ADCY8: variants seen among roughly 807,000 people sequenced by gnomAD.
The protein encoded by ADCY8 is adenylate cyclase 8, also known as adenylate cyclase type 8.
ADCY8 carries 51 observed loss-of-function variants against 119.7 expected under a neutral mutation model. The ratio of observed to expected loss-of-function variants is 0.43; its 90% confidence interval spans 0.34 to 0.54. The LOEUF is 0.54. Among genes scored for constraint, ADCY8 ranks in the 20% least tolerant of loss-of-function variants. The pLI is 0.03. For missense variants in ADCY8, 1,383 were observed against 1,598.8 expected (o/e 0.87, Z 2.30); for synonymous variants, 665 against 651.0 (o/e 1.02, Z -0.33).
intron 12 of ADCY8, among the ~76,000 whole-genome samples, chr8:130,822,535 A>AATCCATGAATCCATGAATCC (rs1554603776): frequency 0.028 from 3,932 of 139,528 alleles, 74 homozygotes; most frequent in Non-Finnish European, 0.045. Flanking sequence ...TGAATCCATG[A>AATCCATGAATCCATGAATCC]ATCCATCCAT....
At chr8:130,794,024 G>T (rs1364036386) in intron 15 of ADCY8, among the ~76,000 whole-genome samples, 1 of 152,160 alleles carries the variant, frequency 6.6e-6, no homozygotes, top group Non-Finnish European at 1.5e-5. Flanking sequence ...CTAATAAGAA[G>T]AGGAGAGGGC....
At chr8:130,955,228 C>T (rs1821391731) in intron 2 of ADCY8, among the ~76,000 whole-genome samples, 1 of 152,134 alleles carries the variant, frequency 6.6e-6, no homozygotes, top group Admixed American at 6.5e-5. Context: ...GGGCCAGGGA[C>T]TGAGTTAAGA....
intron 2 of ADCY8, among the ~76,000 whole-genome samples, chr8:130,973,398 C>T (rs530833523): frequency 6.6e-6 from 1 of 152,192 alleles, no homozygotes; most frequent in Non-Finnish European, 1.5e-5. Flanking sequence ...TTTTGCAATG[C>T]TTGGAACCGT....
At chr8:130,868,208 C>T (rs1248063090) in intron 8 of ADCY8, among the ~76,000 whole-genome samples, 1 of 152,116 alleles carries the variant, frequency 6.6e-6, no homozygotes, top group African/African-American at 2.4e-5. Flanking sequence ...ATTATTTTAA[C>T]AGAACAGAAG....
intron 5 of ADCY8, among the ~76,000 whole-genome samples, chr8:130,913,572 C>T (rs1246111569): frequency 3.3e-5 from 5 of 152,136 alleles, no homozygotes; most frequent in Non-Finnish European, 7.4e-5. Flanking sequence ...CCTGTGTCAC[C>T]ATCATGAGTC....
intron 16 of ADCY8, among the ~76,000 whole-genome samples, chr8:130,785,108 A>T (rs1411023435): frequency 6.6e-6 from 1 of 152,266 alleles, no homozygotes; most frequent in Non-Finnish European, 1.5e-5. Flanking sequence ...ACTAAATCAC[A>T]ATAGGCTATT....
In ADCY8 at chr8:131,038,468, T is replaced by A. The variant is rs1824235822; in HGVS notation, c.960+906A>T. Reference sequence around the variant, plus strand: ...TGCAAAGACAGTGCCATGCCATTAATTAGCTATTGGTTCTAGTAAATTTAA... The same window carrying A: ...TGCAAAGACAGTGCCATGCCATTAAATAGCTATTGGTTCTAGTAAATTTAA... On this transcript the variant is annotated intron_variant, in intron 1 of 17. Transcript: ENST00000286355. Among the ~76,000 whole-genome samples, 2 of 152,206 alleles carry A rather than the reference T, an allele frequency of 1.3e-5. 1 individual carries two copies. Among genetic ancestry groups the A allele is most frequent in the South Asian group, 4.1e-4 (2 of 4,830 alleles).
intron 17 of ADCY8, among the ~76,000 whole-genome samples, chr8:130,781,143 G>A (rs183014835): frequency 6.6e-6 from 1 of 152,318 alleles, no homozygotes; most frequent in East Asian, 1.9e-4. Context: ...GTGGCATGGT[G>A]CCTGGCAACC....
intron 12 of ADCY8, among the ~76,000 whole-genome samples, chr8:130,827,848 A>C (rs746625771): frequency 2.0e-5 from 3 of 152,226 alleles, no homozygotes; most frequent in Non-Finnish European, 2.9e-5. Context: ...AGAACTAAAT[A>C]AAATCAAATC....
intron 12 of ADCY8, 72 bp from the exon 13 acceptor site, chr8:130,821,492 G>T: frequency 1.8e-6 from 2 of 1,135,812 alleles, no homozygotes; most frequent in Middle Eastern, 2.2e-4. Context: ...CTGAGGTTCA[G>T]AAAGGAGTGG....
intron 1 of ADCY8, among the ~76,000 whole-genome samples, chr8:131,002,234 A>T (rs1015933070): frequency 3.3e-5 from 5 of 152,198 alleles, no homozygotes; most frequent in African/African-American, 1.2e-4. Context: ...ATTACTCAAT[A>T]TGTATTGACT....
intron 1 of ADCY8, among the ~76,000 whole-genome samples, chr8:131,009,472 T>C (rs1823231852): frequency 6.6e-6 from 1 of 152,220 alleles, no homozygotes; most frequent in South Asian, 2.1e-4. Flanking sequence ...GCATCTGGCA[T>C]TTCCCCTGCT....
chr8:130,946,456 C>T (rs1011384027), intron 3 of ADCY8, among the ~76,000 whole-genome samples: 12 of 152,168 alleles, frequency 7.9e-5, no homozygotes, highest in Non-Finnish European at 1.5e-5. Flanking sequence ...CTGTTAAAAT[C>T]TGACTTGTCC....
At chr8:131,007,590 A>G (rs1402451231) in intron 1 of ADCY8, among the ~76,000 whole-genome samples, 1 of 152,264 alleles carries the variant, frequency 6.6e-6, no homozygotes, top group Non-Finnish European at 1.5e-5. Context: ...ACCAGCATAC[A>G]GTAGATGCCC....
At chr8:131,004,719 A>T (rs1411182) in intron 1 of ADCY8, among the ~76,000 whole-genome samples, 80,716 of 152,064 alleles carry the variant, frequency 0.53, 22,339 homozygotes, top group East Asian at 0.72. Context: ...ACAAACACAT[A>T]TCCTGCCCTC....
intron 7 of ADCY8, among the ~76,000 whole-genome samples, chr8:130,901,797 A>G (rs1819612092): frequency 6.6e-6 from 1 of 152,194 alleles, no homozygotes; most frequent in Non-Finnish European, 1.5e-5. Context: ...TTTTCGTGCT[A>G]AAGATGGCAC....
intron 11 of ADCY8, among the ~76,000 whole-genome samples, chr8:130,844,945 A>G (rs924131628): frequency 1.3e-5 from 2 of 152,250 alleles, no homozygotes; most frequent in Non-Finnish European, 2.9e-5. Context: ...GTGTTTGACG[A>G]TAACATACAT....
intron 2 of ADCY8, among the ~76,000 whole-genome samples, chr8:130,960,333 C>A (rs1288550198): frequency 6.6e-6 from 1 of 152,156 alleles, no homozygotes; most frequent in African/African-American, 2.4e-5. Context: ...AACTTTCTTA[C>A]TTCTGTCCAT....
At chr8:130,864,448 C>T (rs1050371293) in intron 9 of ADCY8, among the ~76,000 whole-genome samples, 1 of 152,056 alleles carries the variant, frequency 6.6e-6, no homozygotes, top group Non-Finnish European at 1.5e-5. Flanking sequence ...GCTTAGCTCT[C>T]CTTTCTTCTC....
Sources: allele counts gnomAD v4.1 joint callset (sites outside exome capture counted in the v4.1 genomes callset), GRCh38; gene constraint gnomAD v4.1.1; transcripts MANE v1.5; gene names NCBI Gene and HGNC (gene_info 2026-07-23, HGNC 2026-07-21).